Variants in ANKFN1 observed in about 807,000 individuals in gnomAD.
The protein encoded by ANKFN1 is ankyrin repeat and fibronectin type III domain containing 1.
In ANKFN1, 74 loss-of-function variants were observed where a neutral mutation model predicts 108.7. That is an observed-to-expected ratio of 0.68 (90% CI 0.56 to 0.83). The LOEUF (loss-of-function observed/expected upper bound fraction) is 0.83, where lower values mean the gene tolerates loss of function less well. Among genes scored for constraint, ANKFN1 ranks in the 40% least tolerant of loss-of-function variants. The pLI is 0.00. For missense variants in ANKFN1, 1,505 were observed against 1,382.3 expected, an observed-to-expected ratio of 1.09 and a Z score of -1.41; for synonymous variants, 547 against 516.2, an observed-to-expected ratio of 1.06 and a Z score of -0.81.
In ANKFN1 at chr17:56,308,081, C is replaced by A. The variant is rs376193165; in HGVS notation, c.54-18140C>A. 3.3e-5 allele frequency among the ~76,000 whole-genome samples: 5 copies of A among 152,172 alleles called. No individual in the cohort carries two copies. The East Asian group carries it at 9.7e-4, about 29-fold the overall frequency. ...GAAGGGGAACATCACACACCGGGGC[C>A]TGTTGTGGGATCGGGGGAGTGGGGA... On this transcript the variant is annotated intron_variant, in intron 3 of 20. Coordinates refer to ENST00000682825, the MANE Select transcript of ANKFN1 (RefSeq NM_001370326.1).
intron 1 of ANKFN1, among the ~76,000 whole-genome samples, chr17:56,160,839 C>T (rs1434247206): frequency 1.3e-5 from 2 of 152,118 alleles, no homozygotes; most frequent in Non-Finnish European, 2.9e-5. Flanking sequence ...GTAATGATAC[C>T]TTAGAGGTGA....
chr17:56,048,193 T>C (rs2143064409), intron 4 of ANKFN1, among the ~76,000 whole-genome samples: 2 of 152,364 alleles, frequency 1.3e-5, no homozygotes, highest in South Asian at 4.1e-4. Context: ...TAATCCCTGA[T>C]ATGGATATGC....
At chr17:56,469,040 C>T (rs2050225606) in intron 15 of ANKFN1, among the ~76,000 whole-genome samples, 2 of 152,138 alleles carry the variant, frequency 1.3e-5, no homozygotes, top group Admixed American at 6.5e-5. Context: ...TGATATAATA[C>T]CTGGTTTCTC....
chr17:56,087,401 T>C (rs915470679), intron 4 of ANKFN1, among the ~76,000 whole-genome samples: 1 of 151,372 alleles, frequency 6.6e-6, no homozygotes, highest in African/African-American at 2.4e-5. Flanking sequence ...CACTATGTCC[T>C]TTCAGAGAGA....
chr17:56,366,227 G>T (rs957714501), intron 6 of ANKFN1, among the ~76,000 whole-genome samples: 2 of 152,064 alleles, frequency 1.3e-5, no homozygotes, highest in Non-Finnish European at 2.9e-5. Flanking sequence ...TTGTACAGTG[G>T]TACTGTTTGT....
chr17:56,442,517 A>G lies in ANKFN1; in HGVS notation c.1009-326A>G, dbSNP rs571334157. Reference sequence around the variant, plus strand: ...TATTTTTTGTAAACCTTGTAGAACTATGTGACTTTTAAAAATTTATATATA... The same window carrying G: ...TATTTTTTGTAAACCTTGTAGAACTGTGTGACTTTTAAAAATTTATATATA... On this transcript the variant is annotated intron_variant, in intron 9 of 20. Transcript: ENST00000682825. Among the ~76,000 whole-genome samples, 4 of 152,348 alleles carry G rather than the reference A, an allele frequency of 2.6e-5. No individual in the cohort carries two copies. In the South Asian group the frequency reaches 6.2e-4, roughly 24 times the overall value.
At chr17:56,172,675 G>T (rs925489242) in intron 1 of ANKFN1, among the ~76,000 whole-genome samples, 6 of 152,194 alleles carry the variant, frequency 3.9e-5, no homozygotes, top group Non-Finnish European at 7.3e-5. Flanking sequence ...TTGGAGACAG[G>T]AGCATGGGAT....
intron 3 of ANKFN1, among the ~76,000 whole-genome samples, chr17:56,259,154 G>C (rs543675299): frequency 6.6e-6 from 1 of 152,210 alleles, no homozygotes; most frequent in South Asian, 2.1e-4. Flanking sequence ...GAAGTAACAG[G>C]CCTAAAATCA....
At chr17:56,425,002 C>T (rs1433709435) in intron 8 of ANKFN1, among the ~76,000 whole-genome samples, 1 of 151,904 alleles carries the variant, frequency 6.6e-6, no homozygotes. Context: ...TTACTGTTTG[C>T]AATTGAACTT....
chr17:56,152,501 T>C (rs1434691746), upstream of ANKFN1, among the ~76,000 whole-genome samples: 2 of 152,092 alleles, frequency 1.3e-5, no homozygotes, highest in East Asian at 1.9e-4. Flanking sequence ...TAGACATTCA[T>C]GATCAAGGGT....
At chr17:56,267,625 T>C (rs1415506046) in intron 3 of ANKFN1, among the ~76,000 whole-genome samples, 1 of 152,208 alleles carries the variant, frequency 6.6e-6, no homozygotes, top group East Asian at 1.9e-4. Context: ...TAAGCAGTTA[T>C]CCCAGCACCA....
chr17:56,300,016 G>A (rs967742917), intron 3 of ANKFN1, among the ~76,000 whole-genome samples: 2 of 152,202 alleles, frequency 1.3e-5, no homozygotes, highest in Non-Finnish European at 1.5e-5. Flanking sequence ...TAAGGCAAGT[G>A]CGAGGTGCAT....
intron 18 of ANKFN1, among the ~76,000 whole-genome samples, chr17:56,489,737 T>C (rs1396236143): frequency 1.3e-5 from 2 of 152,128 alleles, no homozygotes; most frequent in Non-Finnish European, 2.9e-5. Flanking sequence ...TTTTTTTTTT[T>C]ACCTCTTGGT....
At chr17:56,161,976 C>G (rs1909696563) in intron 1 of ANKFN1, among the ~76,000 whole-genome samples, 1 of 152,210 alleles carries the variant, frequency 6.6e-6, no homozygotes, top group Admixed American at 6.5e-5. Context: ...CTTCACTGAT[C>G]AGCACCATGA....
intron 1 of ANKFN1, among the ~76,000 whole-genome samples, chr17:56,209,128 A>T (rs933370609): frequency 6.6e-6 from 1 of 152,124 alleles, no homozygotes; most frequent in Admixed American, 6.6e-5. Context: ...TCTTCCATTC[A>T]TCAAAGCATC....
rs180996776 is a variant in ANKFN1 at position 56,292,380 on chromosome 17, C to G, written c.54-33841C>G. ...TGAGATCAAAAGAAAAATGCCATCTCCTCTTCAGAGAGTGTGGCTCTGAGA... is the reference window on the plus strand; with the variant it reads ...TGAGATCAAAAGAAAAATGCCATCTGCTCTTCAGAGAGTGTGGCTCTGAGA... On this transcript the variant is annotated intron_variant, in intron 3 of 20. Transcript: ENST00000682825. 3.9e-5 allele frequency among the ~76,000 whole-genome samples: 6 copies of G among 152,260 alleles called. No individual in the cohort carries two copies. The East Asian group carries it at 1.2e-3, about 29-fold the overall frequency.
intron 1 of ANKFN1, among the ~76,000 whole-genome samples, chr17:56,156,340 G>A (rs906653175): frequency 2.0e-5 from 3 of 152,086 alleles, no homozygotes; most frequent in Non-Finnish European, 4.4e-5. Context: ...CACCCACCTT[G>A]GCCTCCCAAA....
intron 8 of ANKFN1, among the ~76,000 whole-genome samples, chr17:56,381,865 G>A (rs2047115266): frequency 6.6e-6 from 1 of 152,160 alleles, no homozygotes; most frequent in Non-Finnish European, 1.5e-5. Context: ...ACACTCTGCA[G>A]GATATTATCC....
intron 8 of ANKFN1, 53 bp downstream of exon 8, chr17:56,374,767 GT>G: frequency 3.6e-6 from 5 of 1,392,250 alleles, no homozygotes; most frequent in Non-Finnish European, 5.1e-6. Context: ...AGCATCTGCT[GT>G]TTGAGAATCA....
Sources: allele counts gnomAD v4.1 joint callset (sites outside exome capture counted in the v4.1 genomes callset), GRCh38; gene constraint gnomAD v4.1.1; transcripts MANE v1.5; gene names NCBI Gene and HGNC (gene_info 2026-07-23, HGNC 2026-07-21).